The following FAM135B variants were observed in gnomAD, a reference collection of about 807,000 sequenced individuals.
The protein encoded by FAM135B is protein FAM135B.
Under a neutral mutation model 127.7 loss-of-function variants are expected in FAM135B, and 43 were observed. The observed-to-expected ratio is 0.34, with a 90% CI of 0.26 to 0.43. FAM135B has a LOEUF of 0.43. Ranked by LOEUF, FAM135B falls within the 20% of genes least tolerant of loss-of-function variation. FAM135B has a pLI of 1.00. For missense variants in FAM135B, 1,558 were observed against 1,725.6 expected (o/e 0.90, Z 1.72); for synonymous variants, 670 against 665.1 (o/e 1.01, Z -0.11).
chr8:138,478,940 A>G (rs1242257738), intron 1 of FAM135B, among the ~76,000 whole-genome samples: 1 of 152,218 alleles, frequency 6.6e-6, no homozygotes, highest in East Asian at 1.9e-4. Flanking sequence ...TCAGATGCCA[A>G]TGGGAAGTCC....
At chr8:138,303,962 C>G (rs1826060454) in intron 3 of FAM135B, among the ~76,000 whole-genome samples, 1 of 152,190 alleles carries the variant, frequency 6.6e-6, no homozygotes, top group Non-Finnish European at 1.5e-5. Flanking sequence ...ACCCTACTTC[C>G]TAATTGCTAT....
At chr8:138,206,238 T>C (rs1372150019) in intron 7 of FAM135B, among the ~76,000 whole-genome samples, 24 of 74,044 alleles carry the variant, frequency 3.2e-4, no homozygotes, top group South Asian at 8.7e-4. Context: ...CACACAGCTC[T>C]CTCATCCCCT....
chr8:138,426,528 C>A (rs1263850165), intron 1 of FAM135B, among the ~76,000 whole-genome samples: 4 of 150,372 alleles, frequency 2.7e-5, no homozygotes, highest in Non-Finnish European at 5.9e-5. Flanking sequence ...TATATGTATA[C>A]ATATATATAA....
At chr8:138,165,106 T>C (rs1010247902) in intron 12 of FAM135B, among the ~76,000 whole-genome samples, 2 of 147,550 alleles carry the variant, frequency 1.4e-5, no homozygotes, top group African/African-American at 5.1e-5. Flanking sequence ...AATGAATTTA[T>C]TTATTTATTT....
At chr8:138,404,576 G>A (rs185760447) in intron 1 of FAM135B, among the ~76,000 whole-genome samples, 38 of 152,266 alleles carry the variant, frequency 2.5e-4, no homozygotes, top group African/African-American at 8.9e-4. Context: ...CAGAATTAGA[G>A]TAAATCCTCC....
rs2130602961 is a variant in FAM135B at position 138,141,439 on chromosome 8, C to T, written c.3639-90G>A. The T allele has an allele frequency of 7.8e-7, 1 of 1,281,028 alleles. No individual in the cohort carries two copies. Among genetic ancestry groups the T allele is most frequent in the Non-Finnish European group, 1.1e-6 (1 of 894,426 alleles). The allele number at this position is 1,281,028 out of a possible 1,614,324, so 79.4% of individuals were successfully genotyped here. On this transcript the variant is annotated intron_variant, in intron 16 of 19. Transcript: ENST00000395297. The surrounding 1 kb of genome is among the most constrained non-coding windows in gnomAD (Gnocchi z 4.7). ...GCTGGAAGCATCAGGGGCCATTGTT[C>T]TCCACCTCCCACTGAATGTAGGGGA...
intron 10 of FAM135B, 49 bp from the exon 11 acceptor site, chr8:138,177,469 C>T (rs1387756702): frequency 9.5e-6 from 14 of 1,479,506 alleles, no homozygotes; most frequent in Non-Finnish European, 1.3e-5. Flanking sequence ...GTAGGTATTA[C>T]CTGCACTTTC....
At chr8:138,222,110 A>T (rs1418291800) in intron 7 of FAM135B, among the ~76,000 whole-genome samples, 4 of 151,874 alleles carry the variant, frequency 2.6e-5, no homozygotes. Context: ...GAGGAGATGG[A>T]GAGAGAGAGA....
intron 1 of FAM135B, among the ~76,000 whole-genome samples, chr8:138,381,248 T>C (rs1797770498): frequency 6.6e-6 from 1 of 152,140 alleles, no homozygotes; most frequent in Admixed American, 6.5e-5. Context: ...CCTCTCAAAA[T>C]ACTCTCATCA....
chr8:138,153,461 C>T lies in FAM135B; in HGVS notation c.1259-245G>A, dbSNP rs189294514. On this transcript the variant is annotated intron_variant, in intron 12 of 19. Coordinates refer to ENST00000395297, the MANE Select transcript of FAM135B (RefSeq NM_015912.4). The stretch of plus-strand genomic sequence containing the variant: ...CTTGTTGGACAGTGAGTGCAGCCCA[C>T]GGAGTGTGAGACAAAGCAGGGCGGG... 2.1e-3 allele frequency among the ~76,000 whole-genome samples: 314 copies of T among 152,192 alleles called. 3 individuals are homozygous for T. Among genetic ancestry groups the T allele is most frequent in the Middle Eastern group, 0.014 (4 of 294 alleles).
chr8:138,375,842 G>T (rs1831437755), intron 1 of FAM135B, among the ~76,000 whole-genome samples: 1 of 152,078 alleles, frequency 6.6e-6, no homozygotes, highest in Non-Finnish European at 1.5e-5. Flanking sequence ...TGACCTGCAG[G>T]TCTTTCTCCC....
rs977268943 is a variant in FAM135B, at chr8:138,241,700, G to T, written c.669+1242C>A. ...GACAGTTTATCACACTTATAATGTG[G>T]GCTACTCAGAAATTAGTAGTGATAG... is the stretch of plus-strand genomic sequence containing the variant. On this transcript the variant is annotated intron_variant, in intron 7 of 19. Transcript: ENST00000395297. This position sits in a 1 kb window ranked among gnomAD's most constrained non-coding sequence, Gnocchi z 4.8. Among the ~76,000 whole-genome samples, 2 of 152,084 alleles carry T rather than the reference G, an allele frequency of 1.3e-5. No homozygotes were observed. Among genetic ancestry groups the T allele is most frequent in the Admixed American group, 6.5e-5 (1 of 15,270 alleles).
intron 3 of FAM135B, among the ~76,000 whole-genome samples, chr8:138,275,609 C>T (rs1463202791): frequency 6.6e-6 from 1 of 152,080 alleles, no homozygotes; most frequent in Non-Finnish European, 1.5e-5. Context: ...GTTGGAAGAT[C>T]TCTTGAGCCC....
chr8:138,331,333 G>A (rs1828160065), intron 2 of FAM135B, among the ~76,000 whole-genome samples: 1 of 152,212 alleles, frequency 6.6e-6, no homozygotes, highest in African/African-American at 2.4e-5. Flanking sequence ...TATCAATAAT[G>A]TGTAAACCCC....
rs2130757889 is a variant in FAM135B, at chr8:138,152,139, G to T, written c.2336C>A (p.Pro779Gln). ...KSVSAPHISS[P>Q]EEAAEDADTK... Reference sequence around the variant, plus strand: ...GTCCGCATCTTCAGCAGCCTCCTCTGGGCTACTGATGTGGGGAGCAGATAC... The same window carrying T: ...GTCCGCATCTTCAGCAGCCTCCTCTTGGCTACTGATGTGGGGAGCAGATAC... Residue 779 changes from proline (P) to glutamine (Q), a missense_variant, in exon 13 of 20, where the codon CCA becomes CAA. By Grantham distance (76) the Pro-to-Gln change is moderately conservative (BLOSUM62 -1). Transcript: ENST00000395297. 1.9e-6 allele frequency: 3 copies of T among 1,613,926 alleles called. No homozygotes were observed. Among genetic ancestry groups the T allele is most frequent in the Non-Finnish European group, 2.5e-6 (3 of 1,180,010 alleles).
Position 138,222,236 on chromosome 8 carries a change from G to C in FAM135B, c.669+20706C>G, listed in dbSNP as rs967644889. On this transcript the variant is annotated intron_variant, in intron 7 of 19. Coordinates refer to ENST00000395297, the MANE Select transcript of FAM135B (RefSeq NM_015912.4). ...CTGGAGAGAAAAGGCAGATACAGGA[G>C]GAGGAGCAGGTAGTGGCAGATAAAA... is the stretch of plus-strand genomic sequence containing the variant. Among the ~76,000 whole-genome samples the C allele has an allele frequency of 7.9e-5, 12 of 152,208 alleles. 1 individual carries two copies. Among genetic ancestry groups the C allele is most frequent in the South Asian group, 6.2e-4 (3 of 4,828 alleles).
At chr8:138,337,362 C>T (rs36080923) in intron 2 of FAM135B, among the ~76,000 whole-genome samples, 136,473 of 151,766 alleles carry the variant, frequency 0.9, 62,410 homozygotes, top group Non-Finnish European at 0.98. Flanking sequence ...GAAAACCCCA[C>T]TGTCTCAGCC....
At chr8:138,325,094 G>T (rs1272599228) in intron 2 of FAM135B, among the ~76,000 whole-genome samples, 1 of 146,534 alleles carries the variant, frequency 6.8e-6, no homozygotes, top group East Asian at 2.0e-4. Context: ...GAGGGCTAGA[G>T]GATTCCCTAG....
intron 16 of FAM135B, among the ~76,000 whole-genome samples, chr8:138,142,525 C>T (rs912286278): frequency 7.3e-4 from 111 of 151,734 alleles, no homozygotes; most frequent in Non-Finnish European, 8.5e-4. Context: ...AGGATGGTCT[C>T]GATCTCCTGA....
Sources: gnomAD v4.1 joint callset for allele counts (sites outside exome capture counted in the v4.1 genomes callset) on GRCh38, gnomAD v4.1.1 for gene constraint, Gnocchi (gnomAD v3.1) non-coding constraint, MANE v1.5 for transcripts, NCBI Gene and HGNC (gene_info 2026-07-23, HGNC 2026-07-21) for gene names.